The following TRPC4 variants were observed in gnomAD, a reference collection of about 807,000 sequenced individuals.
TRPC4 encodes the protein transient receptor potential cation channel subfamily C member 4, also known as short transient receptor potential channel 4.
In TRPC4, 49 loss-of-function variants were observed where a neutral mutation model predicts 99.4. The ratio of observed to expected loss-of-function variants is 0.49; its 90% CI spans 0.39 to 0.63. The LOEUF is 0.63. TRPC4 is among the 20% of genes least tolerant of loss of function. The pLI, the probability that TRPC4 is intolerant of heterozygous loss-of-function variation, is 0.00. For missense variants in TRPC4, 898 were observed against 1,152.9 expected, an observed-to-expected ratio of 0.78 and a Z score of 3.20; for synonymous variants, 454 against 425.9, an observed-to-expected ratio of 1.07 and a Z score of -0.81.
At chr13:37,772,813 G>A (rs1474394916) in intron 2 of TRPC4, among the ~76,000 whole-genome samples, 1 of 151,610 alleles carries the variant, frequency 6.6e-6, no homozygotes, top group Non-Finnish European at 1.5e-5. Context: ...TTTAGAAATG[G>A]GCCCCTCCCA....
Position 37,836,505 on chromosome 13 carries a change from G to A in TRPC4, c.-28+33090C>T, listed in dbSNP as rs745527457. Among the ~76,000 whole-genome samples, 5 of 152,084 alleles carry A rather than the reference G, an allele frequency of 3.3e-5. 1 individual carries two copies. The highest frequency in any genetic ancestry group is 5.9e-5 in the Non-Finnish European group (4 of 68,022). On this transcript the variant is annotated intron_variant, in intron 1 of 10. Transcript: ENST00000379705. Reference sequence around the variant, plus strand: ...TTCAGATGGAGATGAGAAAATTTTTGGGAACTGGAGTAAAGGTGACCGTTG... The same window carrying A: ...TTCAGATGGAGATGAGAAAATTTTTAGGAACTGGAGTAAAGGTGACCGTTG...
intron 1 of TRPC4, among the ~76,000 whole-genome samples, chr13:37,861,815 A>G (rs538654576): frequency 1.3e-5 from 2 of 151,612 alleles, no homozygotes; most frequent in Admixed American, 1.3e-4. Context: ...GCAGAGGGAC[A>G]TATCTTTAAA....
chr13:37,786,140 C>G (rs1956963278), intron 1 of TRPC4, among the ~76,000 whole-genome samples: 1 of 151,840 alleles, frequency 6.6e-6, no homozygotes, highest in South Asian at 2.1e-4. Context: ...CTTTTATGAC[C>G]TCTTTCAATC....
chr13:37,749,565 G>GC (rs1208024566), intron 2 of TRPC4, among the ~76,000 whole-genome samples: 1 of 152,058 alleles, frequency 6.6e-6, no homozygotes, highest in Non-Finnish European at 1.5e-5. Flanking sequence ...CTCTCCGATT[G>GC]CATGAAGACA....
intron 4 of TRPC4, among the ~76,000 whole-genome samples, chr13:37,688,499 C>G (rs1425565317): frequency 6.6e-6 from 1 of 152,022 alleles, no homozygotes; most frequent in South Asian, 2.1e-4. Context: ...AAAGGTTAGG[C>G]TTTAAAGTTA....
rs186659059 is a variant in TRPC4, at chr13:37,663,496, T to C, written c.1608A>G (p.Gln536=). The C allele has an allele frequency of 3.1e-6, 5 of 1,614,196 alleles. No homozygotes were observed. Among genetic ancestry groups the C allele is most frequent in the Admixed American group, 3.3e-5 (2 of 60,030 alleles). ...VLLAFANGLN[Q]LYFYYEETKG... ...TCGTTTCTTCATAATAGAAGTACAA[T>C]TGATTTAGGCCATTTGCAAATGCTA... The change falls in exon 6 of 11, where the codon CAA becomes CAG. Residue 536 remains glutamine (Q), a synonymous_variant. Transcript: ENST00000379705.
chr13:37,694,158 T>A (rs1399901605), intron 3 of TRPC4, among the ~76,000 whole-genome samples: 2 of 152,194 alleles, frequency 1.3e-5, no homozygotes, highest in African/African-American at 4.8e-5. Context: ...TTTCCTTTTT[T>A]TAATTCCCCA....
At chr13:37,796,958 ATAAAATAAAATAAAG>A (rs1957266135) in intron 1 of TRPC4, among the ~76,000 whole-genome samples, 1 of 116,220 alleles carries the variant, frequency 8.6e-6, no homozygotes, top group African/African-American at 4.0e-5. Flanking sequence ...ATAAAATAAA[ATAAAATAAAATAAAG>A]TAAAGTAAAG....
At chr13:37,714,731 C>A (rs1230162083) in intron 3 of TRPC4, among the ~76,000 whole-genome samples, 1 of 145,192 alleles carries the variant, frequency 6.9e-6, no homozygotes, top group East Asian at 2.1e-4. Context: ...TATTTGTAAT[C>A]CCTCACCGCT....
intron 1 of TRPC4, among the ~76,000 whole-genome samples, chr13:37,794,815 T>C (rs534691132): frequency 6.6e-6 from 1 of 152,180 alleles, no homozygotes; most frequent in East Asian, 1.9e-4. Flanking sequence ...CTCTTCCTCA[T>C]AGACTGGGTG....
intron 1 of TRPC4, among the ~76,000 whole-genome samples, chr13:37,813,424 C>T (rs1957758360): frequency 6.6e-6 from 1 of 150,582 alleles, no homozygotes; most frequent in African/African-American, 2.4e-5. Context: ...AACAGAGAAA[C>T]AATAGGAAGA....
At chr13:37,791,521 A>G (rs1566174370) in intron 1 of TRPC4, among the ~76,000 whole-genome samples, 1 of 152,128 alleles carries the variant, frequency 6.6e-6, no homozygotes, top group African/African-American at 2.4e-5. Flanking sequence ...TAATAGAGTA[A>G]AATGTTTAAT....
In TRPC4 at chr13:37,808,889, C is replaced by T. The variant is rs150675321; in HGVS notation, c.-27-25529G>A. On this transcript the variant is annotated intron_variant, in intron 1 of 10. Coordinates refer to ENST00000379705, the MANE Select transcript of TRPC4 (RefSeq NM_016179.4). The stretch of plus-strand genomic sequence containing the variant: ...CTCACCGTATGTACAATAGAGAAAC[C>T]GCCTGAAAGCCCCCTGAAACCGCCA... Among the ~76,000 whole-genome samples, 388 of 152,094 alleles carry T rather than the reference C, an allele frequency of 2.6e-3. 1 individual carries two copies. The highest frequency in any genetic ancestry group is 9.1e-3 in the African/African-American group (376 of 41,514).
intron 3 of TRPC4, among the ~76,000 whole-genome samples, chr13:37,714,166 G>GC (rs1954584335): frequency 6.8e-6 from 1 of 147,050 alleles, no homozygotes; most frequent in Non-Finnish European, 1.5e-5. Context: ...TTACTCTGTC[G>GC]CCCAGGCTGG....
At chr13:37,672,191 A>G (rs751423474) in intron 5 of TRPC4, among the ~76,000 whole-genome samples, 2 of 152,248 alleles carry the variant, frequency 1.3e-5, no homozygotes, top group Non-Finnish European at 2.9e-5. Flanking sequence ...CTATGTAAGC[A>G]TACTCACTAC....
chr13:37,864,753 A>G (rs2139734105), intron 1 of TRPC4, among the ~76,000 whole-genome samples: 1 of 151,740 alleles, frequency 6.6e-6, no homozygotes, highest in African/African-American at 2.4e-5. Context: ...TGGAGAAATG[A>G]AGGAAACTTT....
In TRPC4 at chr13:37,833,797, C is replaced by T. The variant is rs374164993; in HGVS notation, c.-28+35798G>A. ...TTCAGCCTTCACAAAACCATCCACCCATTTGGCTTTCCAGGATCTTAGCTG... is the reference window on the plus strand; with the variant it reads ...TTCAGCCTTCACAAAACCATCCACCTATTTGGCTTTCCAGGATCTTAGCTG... On this transcript the variant is annotated intron_variant, in intron 1 of 10. Transcript: ENST00000379705. Among the ~76,000 whole-genome samples the T allele has an allele frequency of 5.9e-5, 9 of 152,246 alleles. No homozygotes were observed. In the South Asian group the frequency reaches 6.2e-4, roughly 11 times the overall value.
At chr13:37,745,473 T>TACAC (rs370854698) in intron 3 of TRPC4, among the ~76,000 whole-genome samples, 3 of 5,392 alleles carry the variant, frequency 5.6e-4, no homozygotes, top group African/African-American at 7.4e-4. Flanking sequence ...TATATATATA[T>TACAC]ACACACACAC....
chr13:37,859,461 T>C (rs949147050), intron 1 of TRPC4, among the ~76,000 whole-genome samples: 1 of 151,184 alleles, frequency 6.6e-6, no homozygotes, highest in Non-Finnish European at 1.5e-5. Flanking sequence ...CTGCTGATAA[T>C]AAAAGAGTAA....
Sources: allele counts gnomAD v4.1 joint callset (sites outside exome capture counted in the v4.1 genomes callset), GRCh38; gene constraint gnomAD v4.1.1; transcripts MANE v1.5; gene names NCBI Gene and HGNC (gene_info 2026-07-23, HGNC 2026-07-21).